Variants in AUTS2 observed in about 807,000 individuals in gnomAD.
The protein encoded by AUTS2 is activator of transcription and developmental regulator AUTS2.
In AUTS2, 17 loss-of-function variants were observed where a neutral mutation model predicts 112.4. That is an observed-to-expected ratio of 0.15 (90% CI 0.10 to 0.23). The LOEUF (loss-of-function observed/expected upper bound fraction) is 0.23, where lower values mean the gene tolerates loss of function less well. Among genes scored for constraint, AUTS2 ranks in the 10% least tolerant of loss-of-function variants. AUTS2 has a pLI of 1.00. For missense variants in AUTS2, 1,510 were observed against 1,701.6 expected (o/e 0.89, Z 1.98); for synonymous variants, 751 against 702.7 (o/e 1.07, Z -1.09).
Position 69,876,349 on chromosome 7 carries a change from A to AT in AUTS2, c.310-22937_310-22936insT, listed in dbSNP as rs1247359824. Among the ~76,000 whole-genome samples the AT allele has an allele frequency of 2.9e-3, 85 of 29,462 alleles. 9 individuals carry two copies. Among genetic ancestry groups the AT allele is most frequent in the Non-Finnish European group, 3.9e-3 (70 of 18,032 alleles). The allele number at this position is 29,462 out of a possible 152,430, so 19.3% of individuals were successfully genotyped here. Reference sequence around the variant, plus strand: ...TCAAAAAAAAAAAAAAAAAAAAAAAAATATATATATATATATATATATATA... The same window carrying AT: ...TCAAAAAAAAAAAAAAAAAAAAAAAATATATATATATATATATATATATATA... On this transcript the variant is annotated intron_variant, in intron 1 of 18. Coordinates refer to ENST00000342771, the MANE Select transcript of AUTS2 (RefSeq NM_015570.4).
chr7:70,229,482 A>G (rs996668115), intron 4 of AUTS2, among the ~76,000 whole-genome samples: 12 of 152,020 alleles, frequency 7.9e-5, no homozygotes, highest in Non-Finnish European at 1.0e-4. Context: ...TTTACCCTTG[A>G]TACTTTCTAG....
intron 2 of AUTS2, among the ~76,000 whole-genome samples, chr7:69,915,601 T>G (rs1467432596): frequency 2.6e-5 from 4 of 152,234 alleles, no homozygotes; most frequent in African/African-American, 9.6e-5. Flanking sequence ...AGTCTTATGT[T>G]TCTGTCTAGA....
intron 4 of AUTS2, among the ~76,000 whole-genome samples, chr7:70,349,172 G>A (rs1330228246): frequency 6.6e-6 from 1 of 152,060 alleles, no homozygotes; most frequent in Non-Finnish European, 1.5e-5. Flanking sequence ...AGACTTACAG[G>A]CAGTCTGGCT....
chr7:70,386,948 T>G (rs908506567), intron 4 of AUTS2, among the ~76,000 whole-genome samples: 1 of 152,214 alleles, frequency 6.6e-6, no homozygotes, highest in Non-Finnish European at 1.5e-5. Flanking sequence ...AATAACCAAG[T>G]GTTCACCCTT....
intron 6 of AUTS2, among the ~76,000 whole-genome samples, chr7:70,722,907 G>A (rs1476098919): frequency 6.6e-6 from 1 of 152,182 alleles, no homozygotes; most frequent in Non-Finnish European, 1.5e-5. Context: ...GACCCAGTGG[G>A]CCTGTTCATC....
chr7:70,223,904 G>A (rs912281132), intron 4 of AUTS2, among the ~76,000 whole-genome samples: 1 of 115,042 alleles, frequency 8.7e-6, no homozygotes, highest in African/African-American at 3.4e-5. Flanking sequence ...TTGCTATTTT[G>A]CCCAGGCTAG....
intron 6 of AUTS2, among the ~76,000 whole-genome samples, chr7:70,758,300 T>G (rs57845230): frequency 1.3e-5 from 2 of 152,146 alleles, no homozygotes; most frequent in African/African-American, 4.8e-5. Context: ...ACTATTTCAT[T>G]GTGTCTGTAG....
At chr7:70,165,562 A>G (rs928924097) in intron 4 of AUTS2, among the ~76,000 whole-genome samples, 8 of 152,216 alleles carry the variant, frequency 5.3e-5, no homozygotes, top group Admixed American at 3.3e-4. Context: ...GGAAAAATAT[A>G]TTGCAAAACG....
intron 1 of AUTS2, among the ~76,000 whole-genome samples, chr7:69,893,795 A>G (rs1459542183): frequency 1.3e-5 from 2 of 152,114 alleles, no homozygotes; most frequent in Non-Finnish European, 2.9e-5. Context: ...GTAATCAGCA[A>G]ATGGAGCCCT....
chr7:70,232,934 T>C (rs1812135089), intron 4 of AUTS2, among the ~76,000 whole-genome samples: 1 of 152,224 alleles, frequency 6.6e-6, no homozygotes, highest in East Asian at 1.9e-4. Flanking sequence ...TTAAAAATAG[T>C]ATTTGATTGA....
intron 5 of AUTS2, among the ~76,000 whole-genome samples, chr7:70,514,009 T>G (rs1453453853): frequency 1.3e-5 from 2 of 152,208 alleles, no homozygotes; most frequent in Admixed American, 6.5e-5. Context: ...CTGTATAGAT[T>G]TGTTTTACAA....
chr7:70,609,375 C>T (rs1159147619), intron 5 of AUTS2, among the ~76,000 whole-genome samples: 2 of 151,250 alleles, frequency 1.3e-5, no homozygotes, highest in Admixed American at 1.3e-4. Context: ...CCATGTTGTC[C>T]CAGAGGACAG....
chr7:70,327,832 T>A (rs1790561000), intron 4 of AUTS2, among the ~76,000 whole-genome samples: 1 of 152,212 alleles, frequency 6.6e-6, no homozygotes, highest in African/African-American at 2.4e-5. Flanking sequence ...TCTTTGTATT[T>A]CTACTGAGAT....
At chr7:69,711,160 G>C (rs1798307130) in intron 1 of AUTS2, among the ~76,000 whole-genome samples, 1 of 152,116 alleles carries the variant, frequency 6.6e-6, no homozygotes, top group Admixed American at 6.5e-5. Context: ...AATTCATTTA[G>C]TACACAGGGA....
intron 2 of AUTS2, among the ~76,000 whole-genome samples, chr7:70,056,143 G>A (rs1200594357): frequency 1.3e-5 from 2 of 151,506 alleles, no homozygotes; most frequent in African/African-American, 4.9e-5. Context: ...GTGCACCACC[G>A]TGCCCGGCTA....
In AUTS2 at chr7:70,488,213, C is replaced by T. The variant is rs973833633; in HGVS notation, c.690+52432C>T. ...GAGTCGCTTCATAAGCCCTCGTGCC[C>T]GGCGCTCTAAGCTGAGGAGTGCTGG... On this transcript the variant is annotated intron_variant, in intron 5 of 18. Transcript: ENST00000342771. 2.6e-5 allele frequency among the ~76,000 whole-genome samples: 4 copies of T among 152,298 alleles called. No individual in the cohort carries two copies. The East Asian group carries it at 5.8e-4, about 22-fold the overall frequency.
At chr7:70,065,058 AG>A (rs1294972308) in intron 2 of AUTS2, among the ~76,000 whole-genome samples, 1 of 152,198 alleles carries the variant, frequency 6.6e-6, no homozygotes, top group Non-Finnish European at 1.5e-5. Flanking sequence ...GAACAAACAG[AG>A]ATGTGAAGTG....
At chr7:70,775,599 A>G (rs552211989) in intron 13 of AUTS2, among the ~76,000 whole-genome samples, 151 of 151,286 alleles carry the variant, frequency 1.0e-3, no homozygotes, top group African/African-American at 3.5e-3. Flanking sequence ...TTTTATCTCT[A>G]CAACAGAGAA....
At position 70,097,551 on chromosome 7, in the gene AUTS2, T is replaced by A. The variant is rs1343942422; in HGVS notation, c.523-20581T>A. Among the ~76,000 whole-genome samples, 7 of 152,372 alleles carry A rather than the reference T, an allele frequency of 4.6e-5. No homozygotes were observed. In the East Asian group the frequency reaches 1.3e-3, roughly 29 times the overall value. ...GGAGAGCATATTTCATTCTCCCTAC[T>A]TTGTCACTTATTTCTAACACTGAGT... On this transcript the variant is annotated intron_variant, in intron 2 of 18. Transcript: ENST00000342771.
Sources: allele counts gnomAD v4.1 joint callset (sites outside exome capture counted in the v4.1 genomes callset), GRCh38; gene constraint gnomAD v4.1.1; transcripts MANE v1.5; gene names NCBI Gene and HGNC (gene_info 2026-07-23, HGNC 2026-07-21).